The following GRM3 variants were observed in gnomAD, a reference collection of about 807,000 sequenced individuals.
The protein encoded by GRM3 is metabotropic glutamate receptor 3.
Under a neutral mutation model 70.5 loss-of-function variants are expected in GRM3, and 26 were observed. The observed-to-expected ratio is 0.37, with a 90% CI of 0.27 to 0.51. The LOEUF (loss-of-function observed/expected upper bound fraction) is 0.51. GRM3 is among the 20% of genes least tolerant of loss of function. The pLI is 0.93. For synonymous variants in GRM3, 443 were observed against 434.9 expected (o/e 1.02, Z -0.23); for missense variants, 859 against 1,123.8 (o/e 0.76, Z 3.37).
intron 1 of GRM3, among the ~76,000 whole-genome samples, chr7:86,689,690 T>C (rs931631088): frequency 3.9e-5 from 6 of 152,062 alleles, no homozygotes; most frequent in Non-Finnish European, 7.4e-5. Context: ...CTATAAGAAG[T>C]AACTTTTGAA....
chr7:86,666,007 T>C (rs1210395383), intron 1 of GRM3, among the ~76,000 whole-genome samples: 2 of 152,098 alleles, frequency 1.3e-5, no homozygotes, highest in African/African-American at 4.8e-5. Context: ...ATCATTTTTA[T>C]CTAAATTATA....
At chr7:86,666,257 C>A (rs537442746) in intron 1 of GRM3, among the ~76,000 whole-genome samples, 19 of 151,978 alleles carry the variant, frequency 1.3e-4, no homozygotes, top group Non-Finnish European at 2.4e-4. Flanking sequence ...ATTAGCTTCC[C>A]TTTTCTCAAT....
chr7:86,758,815 C>A (rs533469327), intron 1 of GRM3, among the ~76,000 whole-genome samples: 1 of 152,008 alleles, frequency 6.6e-6, no homozygotes, highest in Non-Finnish European at 1.5e-5. Context: ...TGGTCAAGGT[C>A]GAATAGTGAA....
At chr7:86,821,969 G>A (rs559046854) in intron 3 of GRM3, among the ~76,000 whole-genome samples, 13 of 145,952 alleles carry the variant, frequency 8.9e-5, no homozygotes, top group African/African-American at 2.5e-4. Context: ...AACAGATTTT[G>A]TATAAAACAT....
chr7:86,697,276 T>C lies in GRM3; in HGVS notation c.-141+52404T>C, dbSNP rs550953163. Among the ~76,000 whole-genome samples, 3 of 146,828 alleles carry C rather than the reference T, an allele frequency of 2.0e-5. No individual in the cohort carries two copies. In the East Asian group the frequency reaches 6.0e-4, roughly 29 times the overall value. On this transcript the variant is annotated intron_variant, in intron 1 of 5. Coordinates refer to ENST00000361669, the MANE Select transcript of GRM3 (RefSeq NM_000840.3). Reference sequence around the variant, plus strand: ...AAGAGAAGTAAGGACAATTATAGTATACAATTAAACAAAAGCAAAAAAAAA... The same window carrying C: ...AAGAGAAGTAAGGACAATTATAGTACACAATTAAACAAAAGCAAAAAAAAA...
chr7:86,776,956 G>A (rs1316137266), intron 2 of GRM3, among the ~76,000 whole-genome samples: 1 of 152,152 alleles, frequency 6.6e-6, no homozygotes, highest in Non-Finnish European at 1.5e-5. Context: ...TGGGGGAAAA[G>A]GGAAGCAAAG....
At chr7:86,769,893 G>A (rs543037257) in intron 2 of GRM3, among the ~76,000 whole-genome samples, 6 of 152,230 alleles carry the variant, frequency 3.9e-5, no homozygotes, top group Non-Finnish European at 7.4e-5. Flanking sequence ...TCTCCCTGGA[G>A]AATAAGTTTC....
intron 3 of GRM3, among the ~76,000 whole-genome samples, chr7:86,795,523 A>G (rs1045420179): frequency 2.0e-5 from 3 of 152,054 alleles, no homozygotes; most frequent in Non-Finnish European, 4.4e-5. Context: ...AACTGAGAAC[A>G]TGTGGTGTTT....
At chr7:86,692,844 A>G (rs1255512232) in intron 1 of GRM3, among the ~76,000 whole-genome samples, 1 of 152,244 alleles carries the variant, frequency 6.6e-6, no homozygotes, top group African/African-American at 2.4e-5. Context: ...AAAGTATTAA[A>G]GAAGTAATTC....
chr7:86,670,855 C>A (rs1385383069), intron 1 of GRM3, among the ~76,000 whole-genome samples: 2 of 152,160 alleles, frequency 1.3e-5, no homozygotes, highest in Non-Finnish European at 2.9e-5. Flanking sequence ...GAAAGCTGGA[C>A]AACTCTCTAT....
At chr7:86,731,338 C>T (rs1250010174) in intron 1 of GRM3, among the ~76,000 whole-genome samples, 3 of 152,142 alleles carry the variant, frequency 2.0e-5, no homozygotes, top group African/African-American at 7.2e-5. Context: ...TCTCCTTAGT[C>T]ATTACACAAA....
At position 86,864,463 on chromosome 7, in the gene GRM3, T is replaced by C; in HGVS notation, c.*108T>C. ...CAAAAGAACAACCCTAGTACCTTTTTTTAGAAACAGTACGATAAATTATTT... is the reference window on the plus strand; with the variant it reads ...CAAAAGAACAACCCTAGTACCTTTTCTTAGAAACAGTACGATAAATTATTT... On this transcript the variant is annotated 3_prime_UTR_variant, in exon 6 of 6. Transcript: ENST00000361669. 1.2e-6 allele frequency: 1 copy of C among 813,836 alleles called. No homozygotes were observed. The highest frequency in any genetic ancestry group is 1.3e-5 in the South Asian group (1 of 74,248). The allele number at this position is 813,836 out of a possible 1,614,324, so 50.4% of individuals were successfully genotyped here.
intron 1 of GRM3, among the ~76,000 whole-genome samples, chr7:86,692,702 G>C (rs1322325274): frequency 6.6e-6 from 1 of 151,862 alleles, no homozygotes; most frequent in African/African-American, 2.4e-5. Context: ...GCTATCTCTG[G>C]TATTTTTAAC....
At chr7:86,818,692 A>T (rs2116678016) in intron 3 of GRM3, among the ~76,000 whole-genome samples, 1 of 152,222 alleles carries the variant, frequency 6.6e-6, no homozygotes, top group South Asian at 2.1e-4. Flanking sequence ...TAGACTAAAG[A>T]TATTATTAAG....
rs1798057368 is a variant in GRM3, at chr7:86,818,398, A to G, written c.1325-20441A>G. Among the ~76,000 whole-genome samples, 3 of 152,064 alleles carry G rather than the reference A, an allele frequency of 2.0e-5. No individual in the cohort carries two copies. The South Asian group carries it at 6.2e-4, about 31-fold the overall frequency. On this transcript the variant is annotated intron_variant, in intron 3 of 5. Coordinates refer to ENST00000361669, the MANE Select transcript of GRM3 (RefSeq NM_000840.3). ...GGAGTAAGGTAGAATAGAACACACCATAGTTAAGAACACAAGTGCTGGAGT... is the reference window on the plus strand; with the variant it reads ...GGAGTAAGGTAGAATAGAACACACCGTAGTTAAGAACACAAGTGCTGGAGT...
intron 1 of GRM3, among the ~76,000 whole-genome samples, chr7:86,689,389 G>T (rs1794644532): frequency 6.6e-6 from 1 of 151,860 alleles, no homozygotes. Context: ...CCTATTGTAA[G>T]ATTAAATAAA....
chr7:86,762,679 C>T (rs116434299), intron 1 of GRM3, among the ~76,000 whole-genome samples: 2 of 152,074 alleles, frequency 1.3e-5, no homozygotes, highest in Non-Finnish European at 2.9e-5. Flanking sequence ...AGCCAGAAGT[C>T]AACAGTTTGA....
chr7:86,802,913 G>A (rs1346689628), intron 3 of GRM3, among the ~76,000 whole-genome samples: 1 of 152,112 alleles, frequency 6.6e-6, no homozygotes, highest in Non-Finnish European at 1.5e-5. Flanking sequence ...AATTTTAAAT[G>A]CAATTAATAC....
At chr7:86,696,714 TGGTGGTAGC>T (rs972622197) in intron 1 of GRM3, among the ~76,000 whole-genome samples, 1 of 151,908 alleles carries the variant, frequency 6.6e-6, no homozygotes, top group Admixed American at 6.6e-5. Context: ...GTGGTGGTGG[TGGTGGTAGC>T]GGTGGTAGCA....
Sources: gnomAD v4.1 joint callset for allele counts (sites outside exome capture counted in the v4.1 genomes callset) on GRCh38, gnomAD v4.1.1 for gene constraint, MANE v1.5 for transcripts, NCBI Gene and HGNC (gene_info 2026-07-23, HGNC 2026-07-21) for gene names.